Variants in RBFOX1 observed in about 807,000 individuals in gnomAD.
RBFOX1 encodes RNA binding protein fox-1 homolog 1.
Under a neutral mutation model 57.7 loss-of-function variants are expected in RBFOX1, and 8 were observed. The ratio of observed to expected loss-of-function variants is 0.14; its 90% confidence interval spans 0.08 to 0.25. RBFOX1 has a LOEUF of 0.25. RBFOX1 is among the 10% of genes least tolerant of loss of function. RBFOX1 has a pLI of 1.00. For synonymous variants in RBFOX1, 326 were observed against 222.4 expected (o/e 1.47, Z -4.15); for missense variants, 611 against 548.5 (o/e 1.11, Z -1.14).
chr16:6,468,677 T>C (rs1158256389), intron 2 of RBFOX1, among the ~76,000 whole-genome samples: 2 of 152,210 alleles, frequency 1.3e-5, no homozygotes, highest in African/African-American at 2.4e-5. Flanking sequence ...AGTTAGAACA[T>C]TGAAATGTTG....
intron 3 of RBFOX1, among the ~76,000 whole-genome samples, chr16:7,050,071 C>G (rs975862485): frequency 3.9e-4 from 60 of 152,054 alleles, no homozygotes; most frequent in African/African-American, 1.4e-3. Flanking sequence ...ATGAATTTTC[C>G]CTACTTCATC....
chr16:6,189,637 G>A (rs1245580487), intron 1 of RBFOX1, among the ~76,000 whole-genome samples: 1 of 152,168 alleles, frequency 6.6e-6, no homozygotes, highest in African/African-American at 2.4e-5. Flanking sequence ...TAGCTATAAA[G>A]GACAGCTGGT....
chr16:7,269,436 C>CTGTGTGTG (rs1178094779), intron 4 of RBFOX1, among the ~76,000 whole-genome samples: 1 of 151,870 alleles, frequency 6.6e-6, no homozygotes, highest in African/African-American at 2.4e-5. Flanking sequence ...TTTGGGGTCT[C>CTGTGTGTG]TGTGTGTGTG....
chr16:7,666,103 T>C (rs563796058), intron 13 of RBFOX1, among the ~76,000 whole-genome samples: 2 of 152,342 alleles, frequency 1.3e-5, no homozygotes, highest in East Asian at 1.9e-4. Flanking sequence ...TTCTGTCTCA[T>C]GTCCTCTTTT....
chr16:6,805,183 C>A (rs1603627003), intron 3 of RBFOX1, among the ~76,000 whole-genome samples: 1 of 151,776 alleles, frequency 6.6e-6, no homozygotes, highest in Non-Finnish European at 1.5e-5. Flanking sequence ...AAATGTGGTA[C>A]ATCTACACCA....
intron 3 of RBFOX1, among the ~76,000 whole-genome samples, chr16:6,656,495 G>A (rs189662405): frequency 4.6e-5 from 7 of 152,044 alleles, no homozygotes; most frequent in Non-Finnish European, 8.8e-5. Context: ...GATGGCAACT[G>A]CCCTGGTTTC....
intron 4 of RBFOX1, among the ~76,000 whole-genome samples, chr16:7,391,686 C>T (rs1277463421): frequency 6.6e-6 from 1 of 152,216 alleles, no homozygotes; most frequent in African/African-American, 2.4e-5. Context: ...CCCCAAAAGA[C>T]TGTAAAGGCC....
At chr16:7,437,305 G>T (rs1353216905) in intron 4 of RBFOX1, among the ~76,000 whole-genome samples, 1 of 149,662 alleles carries the variant, frequency 6.7e-6, no homozygotes, top group African/African-American at 2.4e-5. Context: ...CAAACAGGCA[G>T]CTCCCACTTT....
At chr16:6,386,793 A>C (rs758794595) in intron 2 of RBFOX1, among the ~76,000 whole-genome samples, 1 of 152,246 alleles carries the variant, frequency 6.6e-6, no homozygotes, top group Non-Finnish European at 1.5e-5. Context: ...CTACTATTTC[A>C]GCAGAAATAT....
chr16:6,437,261 C>T (rs776238541), intron 2 of RBFOX1, among the ~76,000 whole-genome samples: 1 of 152,168 alleles, frequency 6.6e-6, no homozygotes, highest in Non-Finnish European at 1.5e-5. Context: ...TCCCTACTGA[C>T]CTGCATTTAC....
At chr16:6,336,036 G>T (rs750883373) in intron 2 of RBFOX1, among the ~76,000 whole-genome samples, 1 of 148,790 alleles carries the variant, frequency 6.7e-6, no homozygotes, top group Non-Finnish European at 1.5e-5. Context: ...GACCTTGGCA[G>T]CTTCTTGACT....
At chr16:7,615,750 C>T (rs1053000238) in intron 10 of RBFOX1, among the ~76,000 whole-genome samples, 3 of 152,062 alleles carry the variant, frequency 2.0e-5, no homozygotes, top group African/African-American at 7.2e-5. Flanking sequence ...GAGTGTTGTT[C>T]ACTGCTGACA....
intron 3 of RBFOX1, among the ~76,000 whole-genome samples, chr16:6,941,457 T>C (rs2078500397): frequency 6.6e-6 from 1 of 151,956 alleles, no homozygotes; most frequent in Admixed American, 6.6e-5. Context: ...CAAAGTCCTC[T>C]AACATACTGT....
intron 1 of RBFOX1, among the ~76,000 whole-genome samples, chr16:6,215,996 G>T (rs541761024): frequency 6.6e-6 from 1 of 152,132 alleles, no homozygotes; most frequent in Non-Finnish European, 1.5e-5. Context: ...GGATGGAGCT[G>T]GAGTCCATTG....
intron 4 of RBFOX1, among the ~76,000 whole-genome samples, chr16:7,298,123 CG>C (rs2095939464): frequency 6.6e-6 from 1 of 152,042 alleles, no homozygotes; most frequent in South Asian, 2.1e-4. Context: ...TCAGATGCCC[CG>C]CATTCTTTTT....
chr16:7,033,148 G>C (rs2043246682), intron 3 of RBFOX1, among the ~76,000 whole-genome samples: 1 of 152,188 alleles, frequency 6.6e-6, no homozygotes, highest in African/African-American at 2.4e-5. Flanking sequence ...GCAGTAAGCA[G>C]GTTCTGATGA....
At chr16:6,835,604 G>C (rs1030021279) in intron 3 of RBFOX1, among the ~76,000 whole-genome samples, 10 of 151,636 alleles carry the variant, frequency 6.6e-5, no homozygotes, top group African/African-American at 2.2e-4. Flanking sequence ...ATAAAAAAAA[G>C]TAGCTGGGCA....
intron 2 of RBFOX1, among the ~76,000 whole-genome samples, chr16:6,352,864 C>T (rs1008647847): frequency 3.3e-5 from 5 of 152,002 alleles, no homozygotes; most frequent in Admixed American, 6.6e-5. Context: ...CCTTCATGCT[C>T]GCAAACACAA....
chr16:7,029,061 T>TATATATATATAC, intron 3 of RBFOX1, among the ~76,000 whole-genome samples: 1 of 30,894 alleles, frequency 3.2e-5, no homozygotes, highest in South Asian at 1.5e-3. Context: ...TATATATATA[T>TATATATATATAC]ATATATATAT....
Sources: gnomAD v4.1 joint callset for allele counts (sites outside exome capture counted in the v4.1 genomes callset) on GRCh38, gnomAD v4.1.1 for gene constraint, MANE v1.5 for transcripts, NCBI Gene and HGNC (gene_info 2026-07-23, HGNC 2026-07-21) for gene names.